Variants in PROX1 observed in about 807,000 individuals in gnomAD.
PROX1 encodes the protein prospero homeobox protein 1.
A neutral mutation model predicts 58.8 loss-of-function variants in PROX1; 7 were observed. The observed-to-expected ratio is 0.12, with a 90% CI of 0.07 to 0.22. The LOEUF (loss-of-function observed/expected upper bound fraction) is 0.22. Among genes scored for constraint, PROX1 ranks in the 10% least tolerant of loss-of-function variants. PROX1 has a pLI of 1.00. For missense variants in PROX1, 675 were observed against 927.8 expected, an observed-to-expected ratio of 0.73 and a Z score of 3.54; for synonymous variants, 350 against 358.3, an observed-to-expected ratio of 0.98 and a Z score of 0.26.
At chr1:213,983,783 C>T (rs972873702), upstream of PROX1, 2 of 152,188 alleles carry the variant, frequency 1.3e-5, no homozygotes, top group Admixed American at 1.3e-4. Flanking sequence ...GAAGACAAAG[C>T]ACAGCCAAAT....
chr1:213,983,750 C>T (rs908037503), upstream of PROX1: 14 of 152,420 alleles, frequency 9.2e-5, no homozygotes, highest in Admixed American at 2.6e-4. Context: ...GGGTTTCCAG[C>T]TTCTTCGCTA....
At position 214,011,532 on chromosome 1, in the gene PROX1, C is replaced by T; in HGVS notation, c.1845C>T (p.Cys615=). 1.9e-6 allele frequency: 3 copies of T among 1,611,430 alleles called. No homozygotes were observed. Among genetic ancestry groups the T allele is most frequent in the Non-Finnish European group, 2.5e-6 (3 of 1,178,650 alleles). ...TYFSDVKFNR[C]ITSQLIKWFS... ...TTTAAATTTAACAGTTCAACAGATG[C>T]ATTACCTCTCAGCTCATCAAGTGGT... The change falls in exon 4 of 5, where the codon TGC becomes TGT. Residue 615 remains cysteine, a synonymous_variant. Transcript: ENST00000366958.
chr1:213,986,840 A>G (rs950478942), upstream of PROX1, among the ~76,000 whole-genome samples: 3 of 152,198 alleles, frequency 2.0e-5, no homozygotes, highest in Admixed American at 6.5e-5. Flanking sequence ...TTGCATTTGT[A>G]ACTTGCAAAG....
At chr1:214,006,431 C>T (rs1192363309) in intron 3 of PROX1, among the ~76,000 whole-genome samples, 1 of 152,164 alleles carries the variant, frequency 6.6e-6, no homozygotes, top group Non-Finnish European at 1.5e-5. Context: ...TTCTCCTTCC[C>T]TGGCTGTGCT....
At chr1:214,009,763 A>C (rs1284633239) in intron 3 of PROX1, among the ~76,000 whole-genome samples, 1 of 152,150 alleles carries the variant, frequency 6.6e-6, no homozygotes, top group Admixed American at 6.5e-5. Flanking sequence ...TTTCCTCTAC[A>C]GTACTCTTGT....
At chr1:214,016,764 G>A (rs1664112507) in intron 4 of PROX1, among the ~76,000 whole-genome samples, 2 of 152,190 alleles carry the variant, frequency 1.3e-5, no homozygotes, top group South Asian at 2.1e-4. Context: ...AGGGGGTGGA[G>A]TGGAGGTAGA....
chr1:213,986,059 A>G (rs956079748), upstream of PROX1: 2 of 152,056 alleles, frequency 1.3e-5, no homozygotes, highest in Non-Finnish European at 1.5e-5. Flanking sequence ...CGCTCAATAC[A>G]CCCGCTTACC....
In PROX1 at chr1:214,039,198, G is replaced by A. The variant is rs993478409; in HGVS notation, c.*3364G>A. The A allele has an allele frequency of 6.6e-6, 1 of 152,162 alleles. No homozygotes were observed. The highest frequency in any genetic ancestry group is 1.5e-5 in the Non-Finnish European group (1 of 68,030). 9.4% of individuals were successfully genotyped at this position (152,162 alleles called of 1,614,324 possible). A position where few individuals can be genotyped will look rare whatever the true frequency, so the allele number is the denominator to read the frequency against. On this transcript the variant is annotated 3_prime_UTR_variant, in exon 5 of 5. Transcript: ENST00000366958. Reference sequence around the variant, plus strand: ...AGACATTTGTTATGTTTTGTGAAAAGAATGTTCTATTTGCAACAAAACATT... The same window carrying A: ...AGACATTTGTTATGTTTTGTGAAAAAAATGTTCTATTTGCAACAAAACATT...
Position 214,023,450 on chromosome 1 carries a change from G to C in PROX1, c.2028+11735G>C, listed in dbSNP as rs906459552. The stretch of plus-strand genomic sequence containing the variant: ...CAGCTCACCACAACCTCCACCTCTC[G>C]GGCTCCAGCGATTCTCCTGCCTCAG... On this transcript the variant is annotated intron_variant, in intron 4 of 4. Coordinates refer to ENST00000366958, the MANE Select transcript of PROX1 (RefSeq NM_001270616.2). Among the ~76,000 whole-genome samples, 5 of 151,756 alleles carry C rather than the reference G, an allele frequency of 3.3e-5. No individual in the cohort carries two copies. In the East Asian group the frequency reaches 9.6e-4, roughly 29 times the overall value.
intron 1 of PROX1, among the ~76,000 whole-genome samples, chr1:213,991,673 T>C (rs1571795122): frequency 6.6e-6 from 1 of 152,340 alleles, no homozygotes; most frequent in African/African-American, 2.4e-5. Context: ...CTAGCATCAT[T>C]CCTCTATAAG....
At chr1:214,028,650 A>G (rs1664539903) in intron 4 of PROX1, among the ~76,000 whole-genome samples, 1 of 152,152 alleles carries the variant, frequency 6.6e-6, no homozygotes, top group Non-Finnish European at 1.5e-5. Context: ...TATTTGGATG[A>G]TATTTTATGC....
chr1:213,983,903 G>C (rs340877), upstream of PROX1: 2 of 152,076 alleles, frequency 1.3e-5, no homozygotes, highest in African/African-American at 4.8e-5. Context: ...TTATGTCAGG[G>C]AGCACCCCTC....
chr1:214,009,713 C>A (rs561838996), intron 3 of PROX1, among the ~76,000 whole-genome samples: 1 of 152,178 alleles, frequency 6.6e-6, no homozygotes, highest in South Asian at 2.1e-4. Flanking sequence ...CCCATTAGGT[C>A]ATTCGTGACC....
chr1:214,017,040 G>A (rs903959531), intron 4 of PROX1, among the ~76,000 whole-genome samples: 11 of 152,104 alleles, frequency 7.2e-5, no homozygotes, highest in African/African-American at 7.2e-5. Flanking sequence ...GTGTAATGTC[G>A]CTTTACTTTG....
intron 2 of PROX1, among the ~76,000 whole-genome samples, chr1:214,002,076 G>A (rs1311840577): frequency 6.6e-6 from 1 of 152,194 alleles, no homozygotes; most frequent in South Asian, 2.1e-4. Context: ...TTTGGAAAAT[G>A]TAAGTAGTCT....
chr1:214,010,518 G>A (rs1355734913), intron 3 of PROX1, among the ~76,000 whole-genome samples: 2 of 152,112 alleles, frequency 1.3e-5, no homozygotes, highest in East Asian at 3.9e-4. Flanking sequence ...CAGGGAAGGG[G>A]ATGCCTGTGA....
Position 214,016,851 on chromosome 1 carries a change from G to A in PROX1, c.2028+5136G>A, listed in dbSNP as rs1027475125. ...AAGGTGTTCATCAGTATAATGAAGC[G>A]GGCCCATTGATTTATCATCTATTTG... On this transcript the variant is annotated intron_variant, in intron 4 of 4. Coordinates refer to ENST00000366958, the MANE Select transcript of PROX1 (RefSeq NM_001270616.2). 4.1e-4 allele frequency among the ~76,000 whole-genome samples: 62 copies of A among 152,168 alleles called. 1 individual carries two copies. Among genetic ancestry groups the A allele is most frequent in the African/African-American group, 1.3e-3 (55 of 41,494 alleles).
intron 3 of PROX1, among the ~76,000 whole-genome samples, chr1:214,008,110 G>C (rs903502877): frequency 1.3e-5 from 2 of 151,862 alleles, no homozygotes; most frequent in African/African-American, 4.8e-5. Context: ...GGAGTGCAAT[G>C]GTGCAATCTC....
chr1:213,988,614 A>C (rs1662900077), intron 1 of PROX1, 131 bp downstream of exon 1: 1 of 152,204 alleles, frequency 6.6e-6, no homozygotes, highest in African/African-American at 2.4e-5. Context: ...TATTCCCCCC[A>C]GGAGAAAATG....
Sources: allele counts gnomAD v4.1 joint callset (sites outside exome capture counted in the v4.1 genomes callset), GRCh38; gene constraint gnomAD v4.1.1; transcripts MANE v1.5; gene names NCBI Gene and HGNC (gene_info 2026-07-23, HGNC 2026-07-21).